The following BTBD9 variants were observed in gnomAD, a reference collection of about 807,000 sequenced individuals.
BTBD9 encodes the protein BTB/POZ domain-containing protein 9.
Under a neutral mutation model 64.3 loss-of-function variants are expected in BTBD9, and 49 were observed. The ratio of observed to expected loss-of-function variants is 0.76; its 90% CI spans 0.61 to 0.97. BTBD9 has a LOEUF of 0.97. BTBD9 is among the 50% of genes least tolerant of loss of function. The pLI, the probability that BTBD9 is intolerant of heterozygous loss-of-function variation, is 0.00. For missense variants in BTBD9, 598 were observed against 762.1 expected (o/e 0.78, Z 2.53); for synonymous variants, 260 against 274.7 (o/e 0.95, Z 0.53).
chr6:38,185,425 C>T (rs1488468857), intron 10 of BTBD9, among the ~76,000 whole-genome samples: 2 of 152,190 alleles, frequency 1.3e-5, no homozygotes, highest in Non-Finnish European at 2.9e-5. Context: ...GGCCAGGGTG[C>T]AGCTGGGCTC....
chr6:38,268,800 T>C (rs747518022), intron 8 of BTBD9, among the ~76,000 whole-genome samples: 4 of 150,110 alleles, frequency 2.7e-5, no homozygotes, highest in Non-Finnish European at 5.9e-5. Context: ...TCAGACCTCC[T>C]TCAGACTTAC....
chr6:38,471,754 G>A (rs951531097), intron 6 of BTBD9, among the ~76,000 whole-genome samples: 4 of 151,988 alleles, frequency 2.6e-5, no homozygotes, highest in East Asian at 1.9e-4. Context: ...TCCCTGAATC[G>A]TCTCCTCCAG....
chr6:38,182,979 T>G (rs890789814), intron 10 of BTBD9, among the ~76,000 whole-genome samples: 3 of 100,344 alleles, frequency 3.0e-5, no homozygotes, highest in Admixed American at 9.6e-5. Flanking sequence ...ACAAAAGGTC[T>G]TCTTTTTTTT....
intron 7 of BTBD9, among the ~76,000 whole-genome samples, chr6:38,300,122 C>T (rs1367739163): frequency 6.6e-6 from 1 of 152,180 alleles, no homozygotes; most frequent in East Asian, 1.9e-4. Context: ...GGAATCCTTT[C>T]CCCATTGCTT....
At chr6:38,331,262 T>G (rs1295413276) in intron 7 of BTBD9, among the ~76,000 whole-genome samples, 2 of 152,296 alleles carry the variant, frequency 1.3e-5, no homozygotes, top group East Asian at 3.9e-4. Context: ...GGAGGATTGC[T>G]TGAGGCCAGG....
chr6:38,545,427 G>A (rs796305403), intron 6 of BTBD9, among the ~76,000 whole-genome samples: 10 of 152,212 alleles, frequency 6.6e-5, no homozygotes, highest in South Asian at 2.1e-4. Flanking sequence ...TTTAGATAGC[G>A]GCGATGGCTG....
At chr6:38,256,822 C>T (rs911527478) in intron 8 of BTBD9, among the ~76,000 whole-genome samples, 3 of 152,212 alleles carry the variant, frequency 2.0e-5, no homozygotes, top group African/African-American at 7.2e-5. Context: ...TCTTCTAGCT[C>T]TCCTCTCCAG....
At chr6:38,272,369 A>T (rs1193112368) in intron 8 of BTBD9, among the ~76,000 whole-genome samples, 1 of 152,192 alleles carries the variant, frequency 6.6e-6, no homozygotes, top group Non-Finnish European at 1.5e-5. Context: ...ATTTGTACAG[A>T]TCTATCCTGT....
intron 8 of BTBD9, among the ~76,000 whole-genome samples, chr6:38,275,652 G>GA (rs1184653698): frequency 2.7e-5 from 4 of 150,244 alleles, no homozygotes; most frequent in Admixed American, 1.3e-4. Flanking sequence ...AAATTTACAA[G>GA]AAAAAAACAA....
chr6:38,564,061 C>T lies in BTBD9; in HGVS notation c.1154+13539G>A, dbSNP rs150271271. Reference sequence around the variant, plus strand: ...CCTCCCAAAGTGCTGGGATTACAGGCGTGAGCCACCACACCTGGCCTTGCC... The same window carrying T: ...CCTCCCAAAGTGCTGGGATTACAGGTGTGAGCCACCACACCTGGCCTTGCC... On this transcript the variant is annotated intron_variant, in intron 6 of 10. Transcript: ENST00000481247. Among the ~76,000 whole-genome samples, 143 of 152,274 alleles carry T rather than the reference C, an allele frequency of 9.4e-4. 1 individual carries two copies. The highest frequency in any genetic ancestry group is 7.7e-4 in the East Asian group (4 of 5,172).
chr6:38,475,784 G>A (rs1048263555), intron 6 of BTBD9, among the ~76,000 whole-genome samples: 6 of 152,064 alleles, frequency 3.9e-5, no homozygotes, highest in Non-Finnish European at 5.9e-5. Flanking sequence ...TTTGAACCAC[G>A]GACTGATAGG....
chr6:38,626,256 C>T (rs918463816), intron 1 of BTBD9, among the ~76,000 whole-genome samples: 1 of 152,212 alleles, frequency 6.6e-6, no homozygotes, highest in Non-Finnish European at 1.5e-5. Flanking sequence ...ATAATCACAT[C>T]ATGGAAAATG....
intron 6 of BTBD9, among the ~76,000 whole-genome samples, chr6:38,507,982 C>T (rs1772612205): frequency 1.3e-5 from 2 of 152,104 alleles, no homozygotes; most frequent in African/African-American, 2.4e-5. Flanking sequence ...TATAGGCACC[C>T]GCCACCACAC....
At chr6:38,607,055 G>A (rs1394979416) in intron 1 of BTBD9, among the ~76,000 whole-genome samples, 1 of 152,078 alleles carries the variant, frequency 6.6e-6, no homozygotes, top group Non-Finnish European at 1.5e-5. Context: ...AATATGCAAG[G>A]GTGATAAGAA....
intron 6 of BTBD9, among the ~76,000 whole-genome samples, chr6:38,365,534 G>A (rs1425152121): frequency 1.3e-5 from 2 of 152,122 alleles, no homozygotes; most frequent in African/African-American, 4.8e-5. Flanking sequence ...TTGAGTCCAG[G>A]AGTTCAAGGA....
At chr6:38,554,196 T>A (rs928479100) in intron 6 of BTBD9, among the ~76,000 whole-genome samples, 7 of 152,178 alleles carry the variant, frequency 4.6e-5, no homozygotes, top group African/African-American at 1.7e-4. Flanking sequence ...CAGTCACACA[T>A]CATACTTTTG....
chr6:38,387,275 G>A (rs995616741), intron 6 of BTBD9, among the ~76,000 whole-genome samples: 17 of 152,182 alleles, frequency 1.1e-4, no homozygotes, highest in African/African-American at 4.1e-4. Flanking sequence ...AGTGGCTCAC[G>A]CCTGTAATCC....
At chr6:38,271,669 T>G (rs1348496849) in intron 8 of BTBD9, among the ~76,000 whole-genome samples, 2 of 152,090 alleles carry the variant, frequency 1.3e-5, no homozygotes, top group Non-Finnish European at 2.9e-5. Flanking sequence ...TGGAAAAACT[T>G]TACCAACCCC....
At chr6:38,313,877 G>A (rs1265479447) in intron 7 of BTBD9, among the ~76,000 whole-genome samples, 1 of 151,246 alleles carries the variant, frequency 6.6e-6, no homozygotes, top group Admixed American at 6.6e-5. Context: ...AGCCTCCTGA[G>A]TAGCTGGGAC....
Sources: allele counts gnomAD v4.1 joint callset (sites outside exome capture counted in the v4.1 genomes callset), GRCh38; gene constraint gnomAD v4.1.1; transcripts MANE v1.5; gene names NCBI Gene and HGNC (gene_info 2026-07-23, HGNC 2026-07-21).